Variants in FAM78B observed in about 807,000 individuals in gnomAD.
FAM78B encodes family with sequence similarity 78 member B.
In FAM78B, 10 loss-of-function variants were observed where a neutral mutation model predicts 20.0. The ratio of observed to expected loss-of-function variants is 0.50; its 90% CI spans 0.31 to 0.85. The LOEUF is 0.85. Ranked by LOEUF, FAM78B falls within the 40% of genes least tolerant of loss-of-function variation. The pLI is 0.05. For missense variants in FAM78B, 283 were observed against 345.0 expected (o/e 0.82, Z 1.42); for synonymous variants, 135 against 132.8 (o/e 1.02, Z -0.12).
At chr1:166,139,587 C>A (rs757407305) in intron 1 of FAM78B, among the ~76,000 whole-genome samples, 1 of 152,142 alleles carries the variant, frequency 6.6e-6, no homozygotes, top group Non-Finnish European at 1.5e-5. Flanking sequence ...GTGGTGAAGT[C>A]TTCCTGGAGG....
At chr1:166,155,777 G>T (rs1158508863) in intron 1 of FAM78B, among the ~76,000 whole-genome samples, 1 of 152,188 alleles carries the variant, frequency 6.6e-6, no homozygotes, top group African/African-American at 2.4e-5. Flanking sequence ...TGGAGGCTCA[G>T]CGTGTGTGGT....
At chr1:166,125,867 C>CT (rs1349079298) in intron 1 of FAM78B, among the ~76,000 whole-genome samples, 2 of 139,258 alleles carry the variant, frequency 1.4e-5, no homozygotes, top group South Asian at 4.5e-4. Context: ...GCGTCTTGCT[C>CT]TGTCGCCAGG....
intron 1 of FAM78B, among the ~76,000 whole-genome samples, chr1:166,149,454 G>C (rs2101796617): frequency 6.6e-6 from 1 of 152,304 alleles, no homozygotes; most frequent in South Asian, 2.1e-4. Context: ...TTCAGCTTCA[G>C]AAGTTCTATC....
intron 1 of FAM78B, among the ~76,000 whole-genome samples, chr1:166,132,974 A>G (rs2101780885): frequency 6.6e-6 from 1 of 152,284 alleles, no homozygotes; most frequent in South Asian, 2.1e-4. Context: ...ATATGAGAAC[A>G]ATCTCTGGGG....
At chr1:166,117,460 A>T (rs930918520) in intron 1 of FAM78B, among the ~76,000 whole-genome samples, 1 of 152,006 alleles carries the variant, frequency 6.6e-6, no homozygotes, top group African/African-American at 2.4e-5. Flanking sequence ...TTAGCACCCC[A>T]TATCACATTT....
At chr1:166,107,403 G>A (rs1653828954) in intron 1 of FAM78B, among the ~76,000 whole-genome samples, 1 of 152,042 alleles carries the variant, frequency 6.6e-6, no homozygotes, top group African/African-American at 2.4e-5. Context: ...AAATCTGGAA[G>A]AGATAGAAAA....
chr1:166,115,873 G>C lies in FAM78B; in HGVS notation c.264-45110C>G, dbSNP rs185644589. Among the ~76,000 whole-genome samples, 65 of 152,316 alleles carry C rather than the reference G, an allele frequency of 4.3e-4. 4 individuals carry two copies. In the East Asian group the frequency reaches 9.5e-3, roughly 22 times the overall value. ...TCTGAACTTCAACTTCCTTGTGTAA[G>C]AAATGGAAATAACAATACCTGTTCT... On this transcript the variant is annotated intron_variant, in intron 1 of 1. Coordinates refer to ENST00000354422, the MANE Select transcript of FAM78B (RefSeq NM_001017961.5).
At chr1:166,130,341 G>GT (rs918295071) in intron 1 of FAM78B, among the ~76,000 whole-genome samples, 2 of 152,314 alleles carry the variant, frequency 1.3e-5, no homozygotes, top group South Asian at 2.1e-4. Flanking sequence ...CTGCTTCTAC[G>GT]TAAGTATAGA....
intron 1 of FAM78B, among the ~76,000 whole-genome samples, chr1:166,083,297 T>C (rs1000490714): frequency 3.9e-5 from 6 of 152,108 alleles, no homozygotes; most frequent in Admixed American, 2.0e-4. Flanking sequence ...AAGGAATGAG[T>C]TACCTCACAG....
intron 1 of FAM78B, among the ~76,000 whole-genome samples, chr1:166,114,197 C>A (rs1392127195): frequency 6.6e-6 from 1 of 152,174 alleles, no homozygotes; most frequent in Admixed American, 6.5e-5. Flanking sequence ...TTTTGAGGTG[C>A]TAACACATGC....
At chr1:166,084,837 C>T (rs926615097) in intron 1 of FAM78B, among the ~76,000 whole-genome samples, 2 of 152,224 alleles carry the variant, frequency 1.3e-5, no homozygotes, top group Non-Finnish European at 2.9e-5. Flanking sequence ...CTCCTGCCTG[C>T]ACATGGCCTG....
At chr1:166,164,043 C>A (rs1054953910) in intron 1 of FAM78B, among the ~76,000 whole-genome samples, 5 of 152,204 alleles carry the variant, frequency 3.3e-5, no homozygotes, top group African/African-American at 1.2e-4. Flanking sequence ...CCAGGAAGTT[C>A]AACTACCATG....
chr1:166,157,894 T>C (rs1655978483), intron 1 of FAM78B, among the ~76,000 whole-genome samples: 1 of 152,194 alleles, frequency 6.6e-6, no homozygotes, highest in African/African-American at 2.4e-5. Flanking sequence ...TCCCAAGGAA[T>C]GTGCTCCTCA....
At chr1:166,076,628 T>A (rs1414018457) in intron 1 of FAM78B, among the ~76,000 whole-genome samples, 1 of 152,194 alleles carries the variant, frequency 6.6e-6, no homozygotes, top group African/African-American at 2.4e-5. Flanking sequence ...ACTCTCCAAA[T>A]ATAATCCCTA....
At chr1:166,057,515 T>C (rs541823612) in exon 3 of FAM78B, 1 of 152,364 alleles carries the variant, frequency 6.6e-6, no homozygotes, top group South Asian at 2.1e-4. Context: ...TTATGTAACA[T>C]CTGAAGACTG....
At chr1:166,109,949 A>G (rs1653986669) in intron 1 of FAM78B, among the ~76,000 whole-genome samples, 1 of 135,088 alleles carries the variant, frequency 7.4e-6, no homozygotes, top group African/African-American at 2.6e-5. Context: ...ATAAAAGGGA[A>G]TGAATTAACA....
intron 1 of FAM78B, among the ~76,000 whole-genome samples, chr1:166,124,099 C>T (rs905505487): frequency 1.3e-5 from 2 of 152,218 alleles, no homozygotes; most frequent in African/African-American, 4.8e-5. Context: ...AGGCTGCCAC[C>T]ATAGCAAAAC....
intron 1 of FAM78B, among the ~76,000 whole-genome samples, chr1:166,083,823 T>A (rs1470827890): frequency 8.4e-5 from 7 of 82,876 alleles, no homozygotes; most frequent in Admixed American, 5.6e-4. Flanking sequence ...TTTTTTTTTT[T>A]AATGAGAACC....
At chr1:166,157,287 C>T (rs945481041) in intron 1 of FAM78B, among the ~76,000 whole-genome samples, 5 of 151,912 alleles carry the variant, frequency 3.3e-5, no homozygotes, top group African/African-American at 4.8e-5. Flanking sequence ...GCAATAATAA[C>T]GAGCATGCTC....
Sources: allele counts gnomAD v4.1 joint callset (sites outside exome capture counted in the v4.1 genomes callset), GRCh38; gene constraint gnomAD v4.1.1; transcripts MANE v1.5; gene names NCBI Gene and HGNC (gene_info 2026-07-23, HGNC 2026-07-21).